OR51B5: variants seen among roughly 807,000 people sequenced by gnomAD.
The protein encoded by OR51B5 is olfactory receptor family 51 subfamily B member 5, also known as olfactory receptor 51B5.
For synonymous variants in OR51B5, 186 were observed against 144.8 expected (o/e 1.28, Z -2.04); for missense variants, 456 against 374.6 (o/e 1.22, Z -1.79).
chr11:5,497,290 T>C (rs1281600242), intron 1 of OR51B5, among the ~76,000 whole-genome samples: 1 of 152,132 alleles, frequency 6.6e-6, no homozygotes, highest in Non-Finnish European at 1.5e-5. Context: ...TGCAGGCCTG[T>C]AATCCCAGCT....
intron 1 of OR51B5, among the ~76,000 whole-genome samples, chr11:5,371,071 T>C (rs1055528618): frequency 6.6e-6 from 1 of 152,150 alleles, no homozygotes; most frequent in Non-Finnish European, 1.5e-5. Flanking sequence ...ATAAAAATAG[T>C]GATTTTGAAC....
upstream of OR51B5, among the ~76,000 whole-genome samples, chr11:5,343,785 G>GGGTAA (rs1460801738): frequency 5.3e-5 from 8 of 152,236 alleles, no homozygotes; most frequent in African/African-American, 1.7e-4. Flanking sequence ...ATGCATTTAA[G>GGGTAA]CATTCTCTTC....
intron 1 of OR51B5, among the ~76,000 whole-genome samples, chr11:5,504,517 T>C (rs1395215695): frequency 1.3e-5 from 2 of 152,032 alleles, no homozygotes; most frequent in Admixed American, 6.6e-5. Context: ...GCTGATAGAG[T>C]GTAAGAACAG....
intron 1 of OR51B5, among the ~76,000 whole-genome samples, chr11:5,364,121 TC>T (rs1849329158): frequency 6.6e-6 from 1 of 152,178 alleles, no homozygotes; most frequent in Admixed American, 6.5e-5. Context: ...GGAAGAGGTA[TC>T]TCAACACTAA....
intron 1 of OR51B5, among the ~76,000 whole-genome samples, chr11:5,353,286 A>G (rs1849132237): frequency 6.6e-6 from 1 of 152,184 alleles, no homozygotes; most frequent in Non-Finnish European, 1.5e-5. Context: ...TTGAAAACAG[A>G]GATATAATTT....
intron 1 of OR51B5, among the ~76,000 whole-genome samples, chr11:5,357,238 G>A (rs2133693842): frequency 6.6e-6 from 1 of 152,060 alleles, no homozygotes; most frequent in Non-Finnish European, 1.5e-5. Flanking sequence ...CCCATCTCAT[G>A]TGCACACACA....
chr11:5,364,152 G>A (rs1214231320), intron 1 of OR51B5, among the ~76,000 whole-genome samples: 1 of 152,132 alleles, frequency 6.6e-6, no homozygotes, highest in African/African-American at 2.4e-5. Flanking sequence ...AAAATTTTCA[G>A]GGTTCAACAA....
chr11:5,359,088 C>G (rs1007259539), intron 1 of OR51B5, among the ~76,000 whole-genome samples: 10 of 152,140 alleles, frequency 6.6e-5, no homozygotes, highest in Non-Finnish European at 1.5e-4. Flanking sequence ...TGGCACAAGA[C>G]AGGGATGCCC....
intron 1 of OR51B5, among the ~76,000 whole-genome samples, chr11:5,424,709 G>T (rs1004649330): frequency 6.6e-6 from 1 of 151,480 alleles, no homozygotes; most frequent in South Asian, 2.1e-4. Context: ...GGGCCTGGCG[G>T]GGTGGCTCAC....
intron 1 of OR51B5, among the ~76,000 whole-genome samples, chr11:5,478,233 AC>A (rs910973786): frequency 2.0e-5 from 3 of 151,698 alleles, no homozygotes; most frequent in African/African-American, 2.4e-5. Context: ...ACTGGGAGGC[AC>A]CCCCCAGCAG....
At chr11:5,412,795 C>G (rs1373600824) in intron 1 of OR51B5, among the ~76,000 whole-genome samples, 1 of 151,994 alleles carries the variant, frequency 6.6e-6, no homozygotes, top group East Asian at 1.9e-4. Flanking sequence ...CGGGAAGCTC[C>G]AACTGGGTGG....
chr11:5,369,535 A>T (rs1395885273), intron 1 of OR51B5, among the ~76,000 whole-genome samples: 1 of 152,150 alleles, frequency 6.6e-6, no homozygotes, highest in East Asian at 1.9e-4. Context: ...TGTATTTTTA[A>T]AATTTTCCAT....
At chr11:5,420,833 C>A (rs1850322710) in intron 1 of OR51B5, among the ~76,000 whole-genome samples, 1 of 151,696 alleles carries the variant, frequency 6.6e-6, no homozygotes, top group Non-Finnish European at 1.5e-5. Context: ...TGATTTCTGT[C>A]TTCATTTCCT....
intron 1 of OR51B5, among the ~76,000 whole-genome samples, chr11:5,360,731 G>A (rs1849270669): frequency 6.6e-6 from 1 of 150,520 alleles, no homozygotes; most frequent in South Asian, 2.2e-4. Context: ...GCAAAGACTT[G>A]GAACCAACCC....
intron 1 of OR51B5, among the ~76,000 whole-genome samples, chr11:5,465,205 C>CAAAAAAAA (rs34459420): frequency 6.6e-5 from 3 of 45,422 alleles, no homozygotes; most frequent in African/African-American, 1.6e-4. Flanking sequence ...GACTCCGTCT[C>CAAAAAAAA]AAAAAAAAAA....
chr11:5,373,587 G>A (rs995146608), intron 1 of OR51B5, among the ~76,000 whole-genome samples: 1 of 152,176 alleles, frequency 6.6e-6, no homozygotes, highest in Admixed American at 6.5e-5. Context: ...AAGGAAAGGG[G>A]TGACATACGG....
upstream of OR51B5, among the ~76,000 whole-genome samples, chr11:5,344,203 C>A (rs1392723741): frequency 6.6e-6 from 1 of 152,156 alleles, no homozygotes; most frequent in African/African-American, 2.4e-5. Flanking sequence ...CTACTTGTGA[C>A]AATAGCTCAG....
chr11:5,428,286 A>C (rs559080662), intron 1 of OR51B5, among the ~76,000 whole-genome samples: 24 of 152,316 alleles, frequency 1.6e-4, no homozygotes, highest in African/African-American at 5.3e-4. Context: ...AAAAAGAGTC[A>C]TACTTAAAAT....
intron 1 of OR51B5, among the ~76,000 whole-genome samples, chr11:5,358,169 C>CA (rs1417414705): frequency 2.0e-5 from 3 of 151,730 alleles, no homozygotes; most frequent in South Asian, 2.1e-4. Flanking sequence ...AATAGAGACA[C>CA]AAAAAAACCC....
Sources: gnomAD v4.1 joint callset for allele counts (sites outside exome capture counted in the v4.1 genomes callset) on GRCh38, gnomAD v4.1.1 for gene constraint, MANE v1.5 for transcripts, NCBI Gene and HGNC (gene_info 2026-07-23, HGNC 2026-07-21) for gene names.